The following GALNT10 variants were observed in gnomAD, a reference collection of about 807,000 sequenced individuals.
The protein encoded by GALNT10 is GalNAc transferase 10.
GALNT10 carries 41 observed loss-of-function variants against 75.0 expected under a neutral mutation model. The observed-to-expected ratio is 0.55, with a 90% CI of 0.43 to 0.71. The LOEUF is 0.71. Among genes scored for constraint, GALNT10 ranks in the 30% least tolerant of loss-of-function variants. The pLI is 0.00. For synonymous variants in GALNT10, 302 were observed against 313.0 expected, an observed-to-expected ratio of 0.96 and a Z score of 0.37; for missense variants, 727 against 818.5, an observed-to-expected ratio of 0.89 and a Z score of 1.36.
chr5:154,312,155 A>C (rs892730185), intron 3 of GALNT10, among the ~76,000 whole-genome samples: 1 of 152,230 alleles, frequency 6.6e-6, no homozygotes, highest in Admixed American at 6.5e-5. Flanking sequence ...TTAAGCAAAA[A>C]GAAAATAATG....
chr5:154,275,955 C>G (rs1006038195), intron 1 of GALNT10, among the ~76,000 whole-genome samples: 1 of 152,186 alleles, frequency 6.6e-6, no homozygotes, highest in Non-Finnish European at 1.5e-5. Flanking sequence ...TAGAAGAGCA[C>G]AAGGGACAGA....
Position 154,415,887 on chromosome 5 carries a change from C to T in GALNT10, c.1608C>T (p.Tyr536=), listed in dbSNP as rs368630751. ...AISHTSPVTL[Y]DCHSMKGNQL... is the part of the protein sequence containing the mutation. ...CCCACACCAGCCCTGTCACGCTGTA[C>T]GACTGCCACAGCATGAAGGGCAACC... The change falls in exon 11 of 12, where the codon TAC becomes TAT. Residue 536 remains tyrosine (Y), a synonymous_variant. Transcript: ENST00000297107. 190 of 1,613,900 alleles carry T rather than the reference C, an allele frequency of 1.2e-4. No individual in the cohort carries two copies. Among genetic ancestry groups the T allele is most frequent in the Non-Finnish European group, 1.5e-4 (175 of 1,179,966 alleles).
At chr5:154,250,002 A>G (rs1336424857) in intron 1 of GALNT10, among the ~76,000 whole-genome samples, 1 of 152,152 alleles carries the variant, frequency 6.6e-6, no homozygotes, top group Non-Finnish European at 1.5e-5. Context: ...ACAAATGGAG[A>G]TTACATGGAA....
At chr5:154,262,824 C>T (rs1753719252) in intron 1 of GALNT10, among the ~76,000 whole-genome samples, 1 of 152,052 alleles carries the variant, frequency 6.6e-6, no homozygotes, top group South Asian at 2.1e-4. Flanking sequence ...CTGAACTAGA[C>T]CCCATTTTTA....
intron 4 of GALNT10, among the ~76,000 whole-genome samples, chr5:154,364,349 G>A (rs770800197): frequency 6.6e-6 from 1 of 152,198 alleles, no homozygotes; most frequent in Non-Finnish European, 1.5e-5. Flanking sequence ...TGAATGAGAT[G>A]AGAGGTGAGG....
At chr5:154,262,806 T>A (rs1235302057) in intron 1 of GALNT10, among the ~76,000 whole-genome samples, 2 of 152,082 alleles carry the variant, frequency 1.3e-5, no homozygotes, top group Non-Finnish European at 2.9e-5. Flanking sequence ...CAGGAATAAA[T>A]CCCTCTTCTG....
In GALNT10 at chr5:154,252,892, T is replaced by G. The variant is rs1753545506; in HGVS notation, c.160-41924T>G. Among the ~76,000 whole-genome samples, 3 of 151,988 alleles carry G rather than the reference T, an allele frequency of 2.0e-5. No homozygotes were observed. The South Asian group carries it at 6.2e-4, about 31-fold the overall frequency. ...TTCTCTGTAGTCACTTTCTCTTGAGTCTTTACCTCTTTTTTTCCCCATTTC... is the reference window on the plus strand; with the variant it reads ...TTCTCTGTAGTCACTTTCTCTTGAGGCTTTACCTCTTTTTTTCCCCATTTC... On this transcript the variant is annotated intron_variant, in intron 1 of 11. Coordinates refer to ENST00000297107, the MANE Select transcript of GALNT10 (RefSeq NM_198321.4).
At chr5:154,269,530 G>T (rs1753829445) in intron 1 of GALNT10, among the ~76,000 whole-genome samples, 2 of 152,202 alleles carry the variant, frequency 1.3e-5, no homozygotes, top group South Asian at 4.1e-4. Flanking sequence ...ATCTATAAAT[G>T]CTGTGTCCTT....
chr5:154,331,041 CTT>C (rs1402750505), intron 4 of GALNT10, among the ~76,000 whole-genome samples: 1 of 151,984 alleles, frequency 6.6e-6, no homozygotes, highest in Non-Finnish European at 1.5e-5. Flanking sequence ...CGTTTCCTTC[CTT>C]TTCCTTACCA....
chr5:154,361,588 A>C (rs1409638088), intron 4 of GALNT10, among the ~76,000 whole-genome samples: 1 of 152,168 alleles, frequency 6.6e-6, no homozygotes, highest in East Asian at 1.9e-4. Flanking sequence ...GGCTCAGTTA[A>C]ATGTTATTTT....
chr5:154,235,524 T>C (rs970911749), intron 1 of GALNT10, among the ~76,000 whole-genome samples: 2 of 152,198 alleles, frequency 1.3e-5, no homozygotes, highest in African/African-American at 4.8e-5. Context: ...AACTGTTCTC[T>C]GGAACCCACG....
rs1756611744 is a variant in GALNT10, at chr5:154,420,676, A to G, written c.*3704A>G. 1.3e-5 allele frequency: 2 copies of G among 152,172 alleles called. No individual in the cohort carries two copies. The highest frequency in any genetic ancestry group is 4.1e-4 in the South Asian group (2 of 4,826). 9.4% of individuals were successfully genotyped at this position (152,172 alleles called of 1,614,324 possible). On this transcript the variant is annotated 3_prime_UTR_variant, in exon 12 of 12. Transcript: ENST00000297107. ...GCCAAGGCCCACTGCCACCTCTGGG[A>G]TGGGAGTCGGACCTACATACCAAGT... is the stretch of plus-strand genomic sequence containing the variant.
chr5:154,419,091 C>G lies in GALNT10; in HGVS notation c.*2119C>G, dbSNP rs73804459. ...AGGGGCAGGGTTGTGGGGAGGGGAA[C>G]GTTTTTGGTGGTGTGTGCAGTTCCT... On this transcript the variant is annotated 3_prime_UTR_variant, in exon 12 of 12. Coordinates refer to ENST00000297107, the MANE Select transcript of GALNT10 (RefSeq NM_198321.4). The G allele has an allele frequency of 0.034, 5,207 of 151,780 alleles. 289 individuals carry two copies. The highest frequency in any genetic ancestry group is 0.12 in the African/African-American group (4,900 of 41,226). 9.4% of individuals were successfully genotyped at this position (151,780 alleles called of 1,614,324 possible). A position where few individuals can be genotyped will look rare whatever the true frequency, so the allele number is the denominator to read the frequency against.
intron 3 of GALNT10, among the ~76,000 whole-genome samples, chr5:154,316,845 T>G (rs1754600091): frequency 6.6e-6 from 1 of 152,222 alleles, no homozygotes; most frequent in East Asian, 1.9e-4. Context: ...AGAGCAGAAC[T>G]CTTCAGTGAA....
chr5:154,287,886 T>A (rs1196850107), intron 1 of GALNT10, among the ~76,000 whole-genome samples: 2 of 136,682 alleles, frequency 1.5e-5, no homozygotes, highest in Non-Finnish European at 3.1e-5. Flanking sequence ...AAGAAATTGC[T>A]TTGCTGTGTG....
At chr5:154,383,673 C>T (rs1406833687) in intron 6 of GALNT10, among the ~76,000 whole-genome samples, 1 of 152,176 alleles carries the variant, frequency 6.6e-6, no homozygotes, top group Non-Finnish European at 1.5e-5. Context: ...TGTGCAAAGC[C>T]TTGAGTTCAG....
intron 1 of GALNT10, among the ~76,000 whole-genome samples, chr5:154,204,675 G>T (rs1356253615): frequency 6.6e-6 from 1 of 152,160 alleles, no homozygotes; most frequent in Non-Finnish European, 1.5e-5. Context: ...ATTATAGAAG[G>T]ACTGGTTCCT....
chr5:154,403,897 T>G, intron 7 of GALNT10: 1 of 639,078 alleles, frequency 1.6e-6, no homozygotes, highest in Admixed American at 2.3e-5. Flanking sequence ...GCATAGTGTG[T>G]GGCAATGGTA....
In GALNT10 at chr5:154,192,264, G is replaced by A. The variant is rs1774869650; in HGVS notation, c.159+1239G>A. Reference sequence around the variant, plus strand: ...TACAGAGCTGACCAATTTGAGCTCCGCCTGTAACTCTGTTAATTGCTGCAA... The same window carrying A: ...TACAGAGCTGACCAATTTGAGCTCCACCTGTAACTCTGTTAATTGCTGCAA... On this transcript the variant is annotated intron_variant, in intron 1 of 11. Transcript: ENST00000297107. Among the ~76,000 whole-genome samples the A allele has an allele frequency of 1.3e-5, 2 of 152,206 alleles. 1 individual carries two copies. The highest frequency in any genetic ancestry group is 4.8e-5 in the African/African-American group (2 of 41,446).
Sources: gnomAD v4.1 joint callset for allele counts (sites outside exome capture counted in the v4.1 genomes callset) on GRCh38, gnomAD v4.1.1 for gene constraint, MANE v1.5 for transcripts, NCBI Gene and HGNC (gene_info 2026-07-23, HGNC 2026-07-21) for gene names.